The following TENM1 variants were observed in gnomAD, a reference collection of about 807,000 sequenced individuals.
TENM1 encodes the protein teneurin transmembrane protein 1.
TENM1 carries 35 observed loss-of-function variants against 174.8 expected under a neutral mutation model. The ratio of observed to expected loss-of-function variants is 0.20; its 90% CI spans 0.15 to 0.27. The LOEUF is 0.27. TENM1 is among the 10% of genes least tolerant of loss of function. The pLI, the probability that TENM1 is intolerant of heterozygous loss-of-function variation, is 1.00. For synonymous variants in TENM1, 781 were observed against 798.7 expected (o/e 0.98, Z 0.37); for missense variants, 1,633 against 2,130.1 (o/e 0.77, Z 4.59).
intron 3 of TENM1, among the ~76,000 whole-genome samples, chrX:124,884,430 C>T (rs1381933600): frequency 9.0e-6 from 1 of 110,710 alleles, no homozygotes; most frequent in Non-Finnish European, 1.9e-5. Flanking sequence ...GGAGCAATGC[C>T]GTCACATAAT....
At chrX:124,719,360 TG>T (rs1212614528) in intron 4 of TENM1, among the ~76,000 whole-genome samples, 1 of 110,184 alleles carries the variant, frequency 9.1e-6, no homozygotes, top group Non-Finnish European at 1.9e-5. Flanking sequence ...AGGAAATCTT[TG>T]TAACAATAAA....
chrX:124,671,110 A>C (rs1262518456), intron 6 of TENM1, among the ~76,000 whole-genome samples: 1 of 111,110 alleles, frequency 9.0e-6, no homozygotes, highest in Non-Finnish European at 1.9e-5. Context: ...ATTTATTATA[A>C]ATAAGTCAGG....
chrX:124,453,354 C>G (rs1296647081), exon 23 of TENM1: 1 of 1,208,314 alleles, frequency 8.3e-7, no homozygotes. Context: ...ATGTCCATTC[C>G]TGAGTCACAG....
intron 3 of TENM1, among the ~76,000 whole-genome samples, chrX:124,797,723 C>T (rs1041364411): frequency 1.9e-5 from 2 of 107,640 alleles, no homozygotes. Context: ...GATACAAATA[C>T]AGAATGTGCA....
intron 3 of TENM1, among the ~76,000 whole-genome samples, chrX:124,759,149 C>T (rs770611257): frequency 5.4e-5 from 6 of 110,463 alleles, no homozygotes; most frequent in African/African-American, 9.9e-5. Context: ...AATCACATGG[C>T]GATAGTGTGA....
At chrX:124,686,292 C>A (rs973420729) in intron 5 of TENM1, among the ~76,000 whole-genome samples, 7 of 111,226 alleles carry the variant, frequency 6.3e-5, no homozygotes, top group African/African-American at 2.0e-4. Context: ...AAAGGCCTTT[C>A]CAGACAAACA....
At chrX:124,887,589 C>T in intron 3 of TENM1, among the ~76,000 whole-genome samples, 1 of 111,396 alleles carries the variant, frequency 9.0e-6, no homozygotes, top group Non-Finnish European at 1.9e-5. Context: ...AAAATATGAG[C>T]TTGTTATATC....
chrX:124,400,159 A>G (rs2060383548), intron 27 of TENM1, among the ~76,000 whole-genome samples: 1 of 111,889 alleles, frequency 8.9e-6, no homozygotes, highest in Non-Finnish European at 1.9e-5. Context: ...TCTGATTAAT[A>G]TATCTCCAGT....
rs1173777143 is a variant in TENM1, at chrX:124,583,800, A to T, written c.2078-18240T>A. On this transcript the variant is annotated intron_variant, in intron 11 of 31. Transcript: ENST00000422452. Reference sequence around the variant, plus strand: ...TTGAAAACTTTGAAAAAAATTTAGAAGAATGTGTAACTAGAATAACCAATA... The same window carrying T: ...TTGAAAACTTTGAAAAAAATTTAGATGAATGTGTAACTAGAATAACCAATA... 3.0e-3 allele frequency among the ~76,000 whole-genome samples: 327 copies of T among 108,351 alleles called. 1 individual carries two copies. The highest frequency in any genetic ancestry group is 0.01 in the African/African-American group (301 of 29,052). The allele number at this position is 108,351 out of a possible 115,157, so 94.1% of individuals were successfully genotyped here. A position where few individuals can be genotyped will look rare whatever the true frequency, so the allele number is the denominator to read the frequency against.
intron 1 of TENM1, among the ~76,000 whole-genome samples, chrX:124,944,823 T>C (rs904028384): frequency 1.0e-4 from 11 of 110,177 alleles, no homozygotes; most frequent in African/African-American, 3.6e-4. Flanking sequence ...AATATGTATA[T>C]AGAAATATAA....
intron 3 of TENM1, among the ~76,000 whole-genome samples, chrX:124,766,497 A>T (rs1398768047): frequency 7.2e-5 from 8 of 111,805 alleles, no homozygotes; most frequent in Non-Finnish European, 1.5e-4. Context: ...AAAATAAATT[A>T]AAAGTCACTG....
chrX:124,913,499 T>C (rs1032499220), intron 1 of TENM1, among the ~76,000 whole-genome samples: 1 of 111,861 alleles, frequency 8.9e-6, no homozygotes, highest in Non-Finnish European at 1.9e-5. Flanking sequence ...CTGTGAGCAA[T>C]GGGCCTTCTT....
At chrX:124,698,630 T>C (rs776235270) in intron 5 of TENM1, among the ~76,000 whole-genome samples, 12 of 111,419 alleles carry the variant, frequency 1.1e-4, no homozygotes, top group Non-Finnish European at 2.3e-4. Context: ...CTTGCCCTAA[T>C]GAAAAACCAC....
the TENM1 span, among the ~76,000 whole-genome samples, chrX:125,180,722 C>T: frequency 4.5e-5 from 5 of 110,135 alleles, no homozygotes; most frequent in Non-Finnish European, 9.5e-5. Flanking sequence ...GGAAATCCAT[C>T]TATATCTGTC....
intron 27 of TENM1, among the ~76,000 whole-genome samples, chrX:124,393,721 A>G (rs2060305727): frequency 9.0e-6 from 1 of 111,568 alleles, no homozygotes; most frequent in Admixed American, 9.6e-5. Context: ...CTTTTAGGGG[A>G]CAGACTTCTG....
chrX:125,192,528 A>C, the TENM1 span, among the ~76,000 whole-genome samples: 2 of 111,685 alleles, frequency 1.8e-5, no homozygotes, highest in Non-Finnish European at 3.8e-5. Flanking sequence ...ATCAATTAGA[A>C]GGCTGTTTCA....
chrX:124,955,993 T>C (rs1366448075), intron 1 of TENM1, among the ~76,000 whole-genome samples: 5 of 111,845 alleles, frequency 4.5e-5, no homozygotes, highest in African/African-American at 1.6e-4. Flanking sequence ...GCTTATTTTA[T>C]TCATTGTAAA....
chrX:124,545,685 C>G (rs2048413447), intron 15 of TENM1, among the ~76,000 whole-genome samples: 1 of 111,608 alleles, frequency 9.0e-6, no homozygotes, highest in Admixed American at 9.6e-5. Flanking sequence ...ATCACTTTGA[C>G]TATACCACAT....
At chrX:125,157,130 A>C in the TENM1 span, among the ~76,000 whole-genome samples, 1 of 112,328 alleles carries the variant, frequency 8.9e-6, no homozygotes, top group Non-Finnish European at 1.9e-5. Flanking sequence ...TTGCACCAGA[A>C]TCTGTGAGAG....
Sources: allele counts gnomAD v4.1 joint callset (sites outside exome capture counted in the v4.1 genomes callset), GRCh38; gene constraint gnomAD v4.1.1; transcripts MANE v1.5; gene names NCBI Gene and HGNC (gene_info 2026-07-23, HGNC 2026-07-21).